The following TGFBR3 variants were observed in gnomAD, a reference collection of about 807,000 sequenced individuals.
TGFBR3 encodes transforming growth factor beta receptor type 3.
Under a neutral mutation model 87.9 loss-of-function variants are expected in TGFBR3, and 46 were observed. That is an observed-to-expected ratio of 0.52 (90% CI 0.41 to 0.67). The LOEUF (loss-of-function observed/expected upper bound fraction) is 0.67. Ranked by LOEUF, TGFBR3 falls within the 30% of genes least tolerant of loss-of-function variation. TGFBR3 has a pLI of 0.00. For missense variants in TGFBR3, 866 were observed against 1,041.9 expected (o/e 0.83, Z 2.32); for synonymous variants, 381 against 391.6 (o/e 0.97, Z 0.32).
At chr1:91,803,064 T>C (rs1675697695) in intron 2 of TGFBR3, among the ~76,000 whole-genome samples, 1 of 152,232 alleles carries the variant, frequency 6.6e-6, no homozygotes, top group East Asian at 1.9e-4. Flanking sequence ...CCTGCTTTTC[T>C]CTGCTTTAAA....
intron 1 of TGFBR3, among the ~76,000 whole-genome samples, chr1:91,863,224 A>G (rs1678267064): frequency 6.6e-6 from 1 of 152,192 alleles, no homozygotes; most frequent in Non-Finnish European, 1.5e-5. Flanking sequence ...TTTCTTAGAT[A>G]TGTCTTGAAA....
chr1:91,723,404 C>T (rs947836171), intron 7 of TGFBR3, among the ~76,000 whole-genome samples: 2 of 148,758 alleles, frequency 1.3e-5, no homozygotes, highest in South Asian at 2.2e-4. Flanking sequence ...TCACCTGAGC[C>T]CGTGAGTTAG....
At chr1:91,858,933 G>A (rs568709050) in intron 2 of TGFBR3, among the ~76,000 whole-genome samples, 1 of 152,022 alleles carries the variant, frequency 6.6e-6, no homozygotes, top group East Asian at 1.9e-4. Flanking sequence ...GTGCATGCCT[G>A]TAATCCCAGC....
At chr1:91,780,793 G>A (rs1014655766) in intron 3 of TGFBR3, among the ~76,000 whole-genome samples, 1 of 151,198 alleles carries the variant, frequency 6.6e-6, no homozygotes, top group African/African-American at 2.4e-5. Context: ...CCTGACCTCA[G>A]GTAACCCACC....
chr1:91,720,032 T>G lies in TGFBR3; in HGVS notation c.1274A>C (p.Lys425Thr), dbSNP rs750047242. The G allele has an allele frequency of 7.4e-6, 12 of 1,614,072 alleles. No homozygotes were observed. Among genetic ancestry groups the G allele is most frequent in the Non-Finnish European group, 1.0e-5 (12 of 1,180,024 alleles). The change falls in exon 9 of 17, where the codon AAG becomes ACG. Residue 425 changes from lysine to threonine, a missense_variant. Physicochemically the swap from Lys to Thr is moderately conservative, Grantham distance 78. Transcript: ENST00000212355. The part of the protein sequence containing the change: ...EEGEDGLPRP[K>T]DPVIPSIQLF... ...TTGTATGCTGGGAATGACAGGGTCC[T>G]TTGGCCGAGGGAGCCCATCTTCTCC...
intron 3 of TGFBR3, among the ~76,000 whole-genome samples, chr1:91,788,387 T>C (rs1675054841): frequency 6.6e-6 from 1 of 151,760 alleles, no homozygotes; most frequent in African/African-American, 2.4e-5. Context: ...CTCATTCCAG[T>C]GGAGCAGGGG....
At chr1:91,857,086 A>G (rs1677981921) in intron 2 of TGFBR3, among the ~76,000 whole-genome samples, 1 of 152,226 alleles carries the variant, frequency 6.6e-6, no homozygotes, top group African/African-American at 2.4e-5. Context: ...AGCCCTTGAT[A>G]AATGACAGCC....
intron 2 of TGFBR3, among the ~76,000 whole-genome samples, chr1:91,860,439 T>C (rs1378444169): frequency 6.6e-6 from 1 of 152,110 alleles, no homozygotes; most frequent in Non-Finnish European, 1.5e-5. Context: ...TCCAACAAAT[T>C]AGTTTTATGT....
intron 3 of TGFBR3, 105 bp downstream of exon 3, chr1:91,797,182 G>A: frequency 3.3e-6 from 4 of 1,216,928 alleles, no homozygotes; most frequent in South Asian, 1.2e-5. Context: ...GTTCATACAT[G>A]AGCTTCTTTT....
chr1:91,889,287 C>A (rs1557764937), upstream of TGFBR3, among the ~76,000 whole-genome samples: 2 of 152,176 alleles, frequency 1.3e-5, no homozygotes, highest in Non-Finnish European at 2.9e-5. Context: ...AAACTGAGAT[C>A]TTGTCCACGA....
chr1:91,693,462 AAC>A (rs566433389), intron 16 of TGFBR3, among the ~76,000 whole-genome samples: 20 of 152,220 alleles, frequency 1.3e-4, no homozygotes, highest in Non-Finnish European at 2.1e-4. Context: ...GATCAGTAAC[AAC>A]AGACTTCCAA....
At chr1:91,786,959 C>T (rs1272742329) in intron 3 of TGFBR3, among the ~76,000 whole-genome samples, 2 of 152,026 alleles carry the variant, frequency 1.3e-5, no homozygotes, top group African/African-American at 4.8e-5. Context: ...GTACCTATAC[C>T]GGCCCTAAGT....
At chr1:91,744,705 T>C (rs901642983) in intron 4 of TGFBR3, among the ~76,000 whole-genome samples, 6 of 152,236 alleles carry the variant, frequency 3.9e-5, no homozygotes, top group African/African-American at 1.2e-4. Flanking sequence ...CCTCTACCAC[T>C]CATGATTCTG....
intron 2 of TGFBR3, among the ~76,000 whole-genome samples, chr1:91,846,810 C>T (rs1224974897): frequency 6.6e-6 from 1 of 152,076 alleles, no homozygotes; most frequent in Non-Finnish European, 1.5e-5. Context: ...CTCCTATAAC[C>T]TCAGTCACGT....
At chr1:91,787,893 G>T (rs1351998006) in intron 3 of TGFBR3, among the ~76,000 whole-genome samples, 1 of 150,314 alleles carries the variant, frequency 6.7e-6, no homozygotes. Context: ...AGCTGAGATC[G>T]CACCACTATA....
chr1:91,787,172 A>T (rs1182960972), intron 3 of TGFBR3, among the ~76,000 whole-genome samples: 1 of 151,866 alleles, frequency 6.6e-6, no homozygotes, highest in Non-Finnish European at 1.5e-5. Flanking sequence ...GTGGTGGCAC[A>T]TGCCTATGGT....
chr1:91,780,277 CAG>C (rs944573423), intron 3 of TGFBR3, among the ~76,000 whole-genome samples: 20 of 152,150 alleles, frequency 1.3e-4, no homozygotes, highest in Admixed American at 1.0e-3. Flanking sequence ...TGTGGATAAA[CAG>C]TGAGCAAAGC....
intron 2 of TGFBR3, among the ~76,000 whole-genome samples, chr1:91,899,251 G>T (rs1350788036): frequency 1.3e-5 from 2 of 152,140 alleles, no homozygotes; most frequent in African/African-American, 2.4e-5. Flanking sequence ...GGGTGCCATG[G>T]TTTATGCTAT....
rs1557656284 is a variant in TGFBR3, at chr1:91,686,606, T to TAGAA, written c.2438-2750_2438-2749insTTCT. Among the ~76,000 whole-genome samples, 19 of 42,248 alleles carry TAGAA rather than the reference T, an allele frequency of 4.5e-4. No homozygotes were observed. The East Asian group carries it at 5.9e-3, about 13-fold the overall frequency. 27.7% of individuals were successfully genotyped at this position (42,248 alleles called of 152,430 possible). On this transcript the variant is annotated intron_variant, in intron 16 of 16. Coordinates refer to ENST00000212355, the MANE Select transcript of TGFBR3 (RefSeq NM_003243.5). ...AAAATAACTCTTACCTTTTGACAGA[T>TAGAA]TAAGTTTTTTCACTGTCAAATGGAA...
Sources: allele counts gnomAD v4.1 joint callset (sites outside exome capture counted in the v4.1 genomes callset), GRCh38; gene constraint gnomAD v4.1.1; transcripts MANE v1.5; gene names NCBI Gene and HGNC (gene_info 2026-07-23, HGNC 2026-07-21).